Variants in MAP7 observed in about 807,000 individuals in gnomAD.
MAP7 encodes ensconsin.
A neutral mutation model predicts 94.8 loss-of-function variants in MAP7; 52 were observed. That is an observed-to-expected ratio of 0.55 (90% CI 0.44 to 0.69). MAP7 has a LOEUF of 0.69. Among genes scored for constraint, MAP7 ranks in the 30% least tolerant of loss-of-function variants. MAP7 has a pLI of 0.00. For synonymous variants in MAP7, 350 were observed against 357.0 expected (o/e 0.98, Z 0.22); for missense variants, 940 against 964.6 (o/e 0.97, Z 0.34).
intron 1 of MAP7, among the ~76,000 whole-genome samples, chr6:136,441,644 T>G (rs1250492353): frequency 6.6e-6 from 1 of 152,182 alleles, no homozygotes; most frequent in Non-Finnish European, 1.5e-5. Context: ...CTTCAGAGTT[T>G]TATGGTCCCC....
chr6:136,548,533 A>G (rs776040571), intron 1 of MAP7, among the ~76,000 whole-genome samples: 5 of 152,208 alleles, frequency 3.3e-5, no homozygotes, highest in Admixed American at 6.5e-5. Flanking sequence ...TTTAGGCAAA[A>G]GTGTGGAAGA....
chr6:136,472,194 A>G (rs1173148763), intron 1 of MAP7, among the ~76,000 whole-genome samples: 1 of 152,210 alleles, frequency 6.6e-6, no homozygotes, highest in Non-Finnish European at 1.5e-5. Context: ...TTGTAGTGAA[A>G]TATTGTCTGA....
intron 1 of MAP7, among the ~76,000 whole-genome samples, chr6:136,497,141 T>C (rs1408709867): frequency 6.6e-6 from 1 of 151,968 alleles, no homozygotes; most frequent in African/African-American, 2.4e-5. Context: ...AAAGCAGCAG[T>C]GATGGCTGTC....
At chr6:136,344,867 G>A (rs1376287193) in intron 17 of MAP7, among the ~76,000 whole-genome samples, 2 of 152,198 alleles carry the variant, frequency 1.3e-5, no homozygotes, top group Non-Finnish European at 2.9e-5. Context: ...TTATCACACC[G>A]AATTAAAAGT....
intron 1 of MAP7, among the ~76,000 whole-genome samples, chr6:136,507,018 C>G (rs7764406): frequency 6.6e-6 from 1 of 151,874 alleles, no homozygotes; most frequent in Admixed American, 6.6e-5. Flanking sequence ...GTTCTGACCA[C>G]GAGGCACCCC....
At chr6:136,488,257 C>T (rs912623427) in intron 1 of MAP7, among the ~76,000 whole-genome samples, 5 of 152,048 alleles carry the variant, frequency 3.3e-5, no homozygotes, top group African/African-American at 9.6e-5. Context: ...TTTCACAAAG[C>T]TTTTTTTGGG....
chr6:136,527,884 T>A (rs1828131803), intron 1 of MAP7, among the ~76,000 whole-genome samples: 1 of 152,224 alleles, frequency 6.6e-6, no homozygotes, highest in Non-Finnish European at 1.5e-5. Context: ...ACAGGCTGCT[T>A]GATTTAATTA....
chr6:136,454,281 A>ATCTATCTG (rs1802084249), intron 1 of MAP7, among the ~76,000 whole-genome samples: 1 of 145,540 alleles, frequency 6.9e-6, no homozygotes, highest in Admixed American at 7.3e-5. Flanking sequence ...TGATCTATCT[A>ATCTATCTG]TCTATCTATC....
At chr6:136,520,564 G>A (rs1251469681) in intron 1 of MAP7, among the ~76,000 whole-genome samples, 1 of 152,196 alleles carries the variant, frequency 6.6e-6, no homozygotes, top group Non-Finnish European at 1.5e-5. Context: ...GTGCATGGAT[G>A]ATTTCATTAC....
At chr6:136,462,616 T>A (rs1044878023) in intron 1 of MAP7, among the ~76,000 whole-genome samples, 2 of 152,166 alleles carry the variant, frequency 1.3e-5, no homozygotes, top group Admixed American at 6.5e-5. Context: ...TTTAACCGAA[T>A]ATACTTTGAG....
chr6:136,438,783 C>A (rs1415721201), intron 1 of MAP7, among the ~76,000 whole-genome samples: 2 of 152,126 alleles, frequency 1.3e-5, no homozygotes, highest in Non-Finnish European at 2.9e-5. Flanking sequence ...GAAAATGATA[C>A]AAAATCCACT....
At chr6:136,526,183 T>C (rs1827797308) in intron 1 of MAP7, 5 of 1,259,948 alleles carry the variant, frequency 4.0e-6, no homozygotes, top group Non-Finnish European at 5.0e-6. Context: ...AGCAGCAGCT[T>C]CCCCACCTCC....
intron 10 of MAP7, among the ~76,000 whole-genome samples, chr6:136,363,606 T>C (rs2128574498): frequency 6.6e-6 from 1 of 152,346 alleles, no homozygotes; most frequent in East Asian, 1.9e-4. Context: ...CCACCCTCTA[T>C]CTTCAAATTA....
rs1235840007 is a variant in MAP7 at position 136,361,782 on chromosome 6, G to T, written c.1527-603C>A. On this transcript the variant is annotated intron_variant, in intron 11 of 17. Transcript: ENST00000354570. ...ATACTGCCTGGCAGGCAATCATGGGGCATGTAAAGATCCCACCTGGCTACC... is the reference window on the plus strand; with the variant it reads ...ATACTGCCTGGCAGGCAATCATGGGTCATGTAAAGATCCCACCTGGCTACC... Among the ~76,000 whole-genome samples, 5 of 152,186 alleles carry T rather than the reference G, an allele frequency of 3.3e-5. 1 individual carries two copies. The highest frequency in any genetic ancestry group is 2.6e-4 in the Admixed American group (4 of 15,278).
rs773646433 is a variant in MAP7, at chr6:136,372,502, G to C, written c.875C>G (p.Ala292Gly). 1.9e-6 allele frequency: 3 copies of C among 1,613,796 alleles called. No individual in the cohort carries two copies. The highest frequency in any genetic ancestry group is 2.5e-6 in the Non-Finnish European group (3 of 1,180,008). Residue 292 changes from alanine (A) to glycine (G), a missense_variant and splice_region_variant, in exon 8 of 18, where the codon GCG becomes GGG. By Grantham distance (60) the Ala-to-Gly change is moderately conservative (BLOSUM62 0). Coordinates refer to ENST00000354570, the MANE Select transcript of MAP7 (RefSeq NM_003980.6). Reference sequence around the variant, plus strand: ...CAGCTGCTCCCAACAGCTACTCACCGCTGTGCCATGAATGATCCTCCTGCG... The same window carrying C: ...CAGCTGCTCCCAACAGCTACTCACCCCTGTGCCATGAATGATCCTCCTGCG... The part of the protein sequence containing the change: ...SSRRRIIHGT[A>G]SYKKEREREN...
intron 1 of MAP7, among the ~76,000 whole-genome samples, chr6:136,464,957 G>A (rs946540173): frequency 6.6e-6 from 1 of 152,204 alleles, no homozygotes; most frequent in Non-Finnish European, 1.5e-5. Flanking sequence ...ATGACAGAGA[G>A]CACTTTTTGT....
At chr6:136,387,567 C>G (rs1582755860) in intron 5 of MAP7, among the ~76,000 whole-genome samples, 1 of 152,160 alleles carries the variant, frequency 6.6e-6, no homozygotes, top group East Asian at 1.9e-4. Flanking sequence ...GGCCCTAGGT[C>G]TGAGGTGCTA....
At chr6:136,485,360 G>A (rs1346714614) in intron 1 of MAP7, among the ~76,000 whole-genome samples, 1 of 152,012 alleles carries the variant, frequency 6.6e-6, no homozygotes, top group Non-Finnish European at 1.5e-5. Flanking sequence ...AAAAGATATA[G>A]TTACACAATA....
At chr6:136,461,381 G>A (rs551153168) in intron 1 of MAP7, among the ~76,000 whole-genome samples, 31 of 152,194 alleles carry the variant, frequency 2.0e-4, no homozygotes, top group African/African-American at 6.5e-4. Flanking sequence ...CAAATTTCAA[G>A]ATCTCAAAGC....
Sources: gnomAD v4.1 joint callset for allele counts (sites outside exome capture counted in the v4.1 genomes callset) on GRCh38, gnomAD v4.1.1 for gene constraint, MANE v1.5 for transcripts, NCBI Gene and HGNC (gene_info 2026-07-23, HGNC 2026-07-21) for gene names.